The following SPAG16 variants were observed in gnomAD, a reference collection of about 807,000 sequenced individuals.
The protein encoded by SPAG16 is sperm-associated antigen 16 protein.
Under a neutral mutation model 80.4 loss-of-function variants are expected in SPAG16, and 86 were observed. The ratio of observed to expected loss-of-function variants is 1.07; its 90% confidence interval spans 0.90 to 1.28. The LOEUF is 1.28. Ranked by LOEUF, SPAG16 falls within the 50% of genes most tolerant of loss-of-function variation. SPAG16 has a pLI of 0.00. For synonymous variants in SPAG16, 294 were observed against 265.9 expected (o/e 1.11, Z -1.03); for missense variants, 870 against 765.3 (o/e 1.14, Z -1.61).
At chr2:213,564,734 T>C (rs1270831020) in intron 10 of SPAG16, among the ~76,000 whole-genome samples, 3 of 152,170 alleles carry the variant, frequency 2.0e-5, no homozygotes, top group Non-Finnish European at 4.4e-5. Context: ...TTTGAGTACT[T>C]AACGTTCATT....
At chr2:213,915,060 A>G (rs1304422555) in intron 11 of SPAG16, among the ~76,000 whole-genome samples, 1 of 152,120 alleles carries the variant, frequency 6.6e-6, no homozygotes, top group Non-Finnish European at 1.5e-5. Context: ...CAGAAGGTGA[A>G]TGAGAATCAA....
intron 10 of SPAG16, among the ~76,000 whole-genome samples, chr2:213,860,363 A>ATG (rs1387771321): frequency 2.0e-4 from 10 of 50,252 alleles, no homozygotes; most frequent in African/African-American, 3.4e-4. Context: ...ATATATATAT[A>ATG]TGTGTGTGTG....
At chr2:214,335,147 C>A (rs895052366) in intron 15 of SPAG16, among the ~76,000 whole-genome samples, 1 of 152,114 alleles carries the variant, frequency 6.6e-6, no homozygotes, top group South Asian at 2.1e-4. Context: ...TGTTCCAGAT[C>A]AAGAATGTGA....
At chr2:213,708,777 C>T (rs757095527) in intron 10 of SPAG16, among the ~76,000 whole-genome samples, 2 of 152,034 alleles carry the variant, frequency 1.3e-5, no homozygotes, top group African/African-American at 4.8e-5. Context: ...CAAAGTGAGA[C>T]TCCATCCAAA....
chr2:213,641,496 G>A (rs1296325078), intron 10 of SPAG16, among the ~76,000 whole-genome samples: 1 of 152,204 alleles, frequency 6.6e-6, no homozygotes, highest in Non-Finnish European at 1.5e-5. Flanking sequence ...ACAAAGTTTA[G>A]TGGAAGCCTT....
intron 11 of SPAG16, among the ~76,000 whole-genome samples, chr2:213,911,494 G>A (rs2077663392): frequency 6.6e-6 from 1 of 152,136 alleles, no homozygotes. Context: ...TCTGAAAAAT[G>A]CCAAGAATGC....
chr2:214,138,973 G>A (rs750485331), intron 14 of SPAG16, among the ~76,000 whole-genome samples: 34 of 152,192 alleles, frequency 2.2e-4, no homozygotes, highest in Non-Finnish European at 4.4e-4. Context: ...ATCTTGGGCT[G>A]GGTAACCAAG....
chr2:213,289,948 C>T (rs2126052140), intron 1 of SPAG16, among the ~76,000 whole-genome samples: 1 of 152,314 alleles, frequency 6.6e-6, no homozygotes, highest in African/African-American at 2.4e-5. Context: ...TGGTTTCTGG[C>T]TCTGGTCCAT....
At chr2:214,235,300 C>A (rs1441159916) in intron 15 of SPAG16, among the ~76,000 whole-genome samples, 1 of 152,028 alleles carries the variant, frequency 6.6e-6, no homozygotes, top group Non-Finnish European at 1.5e-5. Flanking sequence ...AATATGAGTC[C>A]ATTGAGTCCA....
intron 13 of SPAG16, among the ~76,000 whole-genome samples, chr2:214,039,684 G>A (rs755522776): frequency 2.6e-5 from 4 of 152,116 alleles, no homozygotes; most frequent in African/African-American, 7.2e-5. Context: ...CACTTAACTG[G>A]CTATAAAATT....
chr2:214,155,544 C>T (rs935913091), intron 15 of SPAG16, among the ~76,000 whole-genome samples: 7 of 151,922 alleles, frequency 4.6e-5, no homozygotes, highest in Non-Finnish European at 8.8e-5. Context: ...TATGATGTTG[C>T]CCAGTCTGGT....
chr2:213,685,813 G>A (rs1466319408), intron 10 of SPAG16, among the ~76,000 whole-genome samples: 1 of 152,132 alleles, frequency 6.6e-6, no homozygotes, highest in Non-Finnish European at 1.5e-5. Context: ...TGGAAATAGG[G>A]AAGTGAATAA....
rs115578288 is a variant in SPAG16 at position 214,345,580 on chromosome 2, C to T, written c.1721-64560C>T. On this transcript the variant is annotated intron_variant, in intron 15 of 15. Transcript: ENST00000331683. ...TTACTTGCATCAAAAATGTTGAAAC[C>T]CGAAAGTTCTCTGAATTATAATTTA... Among the ~76,000 whole-genome samples, 375 of 152,112 alleles carry T rather than the reference C, an allele frequency of 2.5e-3. 2 individuals are homozygous for T. The highest frequency in any genetic ancestry group is 8.7e-3 in the African/African-American group (359 of 41,482).
chr2:213,775,015 A>C (rs2069487260), intron 10 of SPAG16, among the ~76,000 whole-genome samples: 1 of 152,104 alleles, frequency 6.6e-6, no homozygotes, highest in Non-Finnish European at 1.5e-5. Context: ...TATTGTTTCT[A>C]AATTTTCTCA....
intron 1 of SPAG16, among the ~76,000 whole-genome samples, chr2:213,294,556 A>G (rs1167291535): frequency 6.6e-6 from 1 of 152,176 alleles, no homozygotes; most frequent in Non-Finnish European, 1.5e-5. Flanking sequence ...TTTTGAGCCT[A>G]ATTACTTTTC....
chr2:214,093,986 G>T (rs1485331855), intron 13 of SPAG16, among the ~76,000 whole-genome samples: 1 of 151,956 alleles, frequency 6.6e-6, no homozygotes, highest in African/African-American at 2.4e-5. Flanking sequence ...TTTAAGGTGT[G>T]GTCTGTGCAC....
At chr2:213,696,122 G>T (rs1417958252) in intron 10 of SPAG16, among the ~76,000 whole-genome samples, 1 of 152,142 alleles carries the variant, frequency 6.6e-6, no homozygotes, top group Non-Finnish European at 1.5e-5. Flanking sequence ...GGATATGGAA[G>T]TTAAGAGAAA....
At chr2:213,862,368 C>A in intron 10 of SPAG16, 117 bp from the exon 11 acceptor site, 1 of 1,308,184 alleles carries the variant, frequency 7.6e-7, no homozygotes, top group Non-Finnish European at 1.1e-6. Flanking sequence ...GGGGCCAGTA[C>A]TCTCAAAACT....
intron 10 of SPAG16, among the ~76,000 whole-genome samples, chr2:213,651,357 A>G (rs990542428): frequency 2.6e-5 from 4 of 152,170 alleles, no homozygotes; most frequent in Admixed American, 2.6e-4. Flanking sequence ...ATATGAGCTG[A>G]AGCCCCTGAG....
Sources: gnomAD v4.1 joint callset for allele counts (sites outside exome capture counted in the v4.1 genomes callset) on GRCh38, gnomAD v4.1.1 for gene constraint, MANE v1.5 for transcripts, NCBI Gene and HGNC (gene_info 2026-07-23, HGNC 2026-07-21) for gene names.